The following RAPGEF5 variants were observed in gnomAD, a reference collection of about 807,000 sequenced individuals.
RAPGEF5 encodes Rap guanine nucleotide exchange factor 5.
A neutral mutation model predicts 125.2 loss-of-function variants in RAPGEF5; 65 were observed. The ratio of observed to expected loss-of-function variants is 0.52; its 90% CI spans 0.43 to 0.64. The LOEUF is 0.64. Among genes scored for constraint, RAPGEF5 ranks in the 30% least tolerant of loss-of-function variants. RAPGEF5 has a pLI of 0.00. For synonymous variants in RAPGEF5, 391 were observed against 385.9 expected (o/e 1.01, Z -0.16); for missense variants, 958 against 1,048.1 (o/e 0.91, Z 1.19).
At chr7:22,351,966 G>C (rs1367588153) in intron 1 of RAPGEF5, among the ~76,000 whole-genome samples, 1 of 152,194 alleles carries the variant, frequency 6.6e-6, no homozygotes, top group Non-Finnish European at 1.5e-5. Flanking sequence ...GTTCTTCCCA[G>C]TTTCTCAATT....
intron 7 of RAPGEF5, among the ~76,000 whole-genome samples, chr7:22,265,282 A>G (rs558812469): frequency 1.2e-4 from 18 of 152,236 alleles, no homozygotes; most frequent in Admixed American, 3.3e-4. Flanking sequence ...GCCAGCCTCT[A>G]GCAACCATCA....
At chr7:22,238,702 T>C (rs1786251557) in intron 7 of RAPGEF5, among the ~76,000 whole-genome samples, 1 of 152,210 alleles carries the variant, frequency 6.6e-6, no homozygotes, top group East Asian at 1.9e-4. Context: ...ATTCTTCATT[T>C]AAAAAATGAG....
chr7:22,193,347 T>G lies in RAPGEF5; in HGVS notation c.1204+20A>C. The G allele has an allele frequency of 1.6e-3, 2,469 of 1,538,534 alleles. No homozygotes were observed. The highest frequency in any genetic ancestry group is 2.0e-3 in the Non-Finnish European group (2,249 of 1,129,244). ...ATCAGCTGCTATCAGTCTGGAAGCA[T>G]GAGCTACTCAGAGCCTTACCTGTTT... On this transcript the variant is annotated intron_variant, in intron 11 of 25. Transcript: ENST00000665637.
At chr7:22,167,230 T>C (rs1166865284) in intron 11 of RAPGEF5, 82 bp from the exon 12 acceptor site, 2 of 1,021,894 alleles carry the variant, frequency 2.0e-6, no homozygotes, top group Admixed American at 2.1e-5. Context: ...CCCAGAACCA[T>C]GTGCATGGCA....
At chr7:22,213,222 G>A (rs1785551179) in intron 9 of RAPGEF5, among the ~76,000 whole-genome samples, 1 of 152,212 alleles carries the variant, frequency 6.6e-6, no homozygotes, top group South Asian at 2.1e-4. Flanking sequence ...ATGAGCAGAT[G>A]GTTCCACCAG....
At chr7:22,267,637 A>G (rs1348488373) in intron 6 of RAPGEF5, among the ~76,000 whole-genome samples, 2 of 152,226 alleles carry the variant, frequency 1.3e-5, no homozygotes, top group Admixed American at 6.5e-5. Context: ...CAAAGTTTTT[A>G]GCACTTACTC....
At chr7:22,133,729 A>G (rs17146306) in intron 23 of RAPGEF5, among the ~76,000 whole-genome samples, 1 of 152,050 alleles carries the variant, frequency 6.6e-6, no homozygotes, top group Admixed American at 6.5e-5. Flanking sequence ...TAGCACATGA[A>G]CTACGACTCC....
chr7:22,275,852 T>G (rs981782916), intron 6 of RAPGEF5, among the ~76,000 whole-genome samples: 1 of 152,216 alleles, frequency 6.6e-6, no homozygotes, highest in Non-Finnish European at 1.5e-5. Context: ...AAAAAATAAC[T>G]GTTGGAAACC....
At chr7:22,314,249 AG>A (rs1283417033) in intron 3 of RAPGEF5, among the ~76,000 whole-genome samples, 1 of 152,218 alleles carries the variant, frequency 6.6e-6, no homozygotes, top group Non-Finnish European at 1.5e-5. Flanking sequence ...GAAGAGAAGC[AG>A]GAAGGAACCT....
intron 11 of RAPGEF5, chr7:22,192,506 G>C (rs1785027553): frequency 6.6e-6 from 1 of 152,208 alleles, no homozygotes. Context: ...TAAGGAAACT[G>C]TGGGTCTCAC....
chr7:22,272,760 T>G (rs569776326), intron 6 of RAPGEF5, among the ~76,000 whole-genome samples: 123 of 152,302 alleles, frequency 8.1e-4, no homozygotes, highest in Non-Finnish European at 1.6e-3. Context: ...TTATTTTTTA[T>G]TTTCTTATTT....
At chr7:22,162,727 T>C (rs1462136297) in intron 12 of RAPGEF5, among the ~76,000 whole-genome samples, 186 bp from the exon 13 acceptor site, 1 of 152,188 alleles carries the variant, frequency 6.6e-6, no homozygotes, top group Non-Finnish European at 1.5e-5. Context: ...GGAAAATGAC[T>C]GAAGTATACT....
intron 5 of RAPGEF5, among the ~76,000 whole-genome samples, chr7:22,294,134 C>G (rs189800306): frequency 1.4e-5 from 2 of 146,568 alleles, no homozygotes; most frequent in African/African-American, 5.0e-5. Flanking sequence ...GAGAGAGAGA[C>G]AGAGAGAGAG....
chr7:22,158,354 ACT>A (rs1180350805), intron 14 of RAPGEF5, among the ~76,000 whole-genome samples: 6 of 152,100 alleles, frequency 3.9e-5, no homozygotes, highest in Admixed American at 1.3e-4. Flanking sequence ...AACTGGGAAC[ACT>A]CTGCCCATCT....
chr7:22,310,942 G>C lies in RAPGEF5; in HGVS notation c.390-852C>G, dbSNP rs60708465. On this transcript the variant is annotated intron_variant, in intron 3 of 25. Coordinates refer to ENST00000665637, the MANE Select transcript of RAPGEF5 (RefSeq NM_012294.5). ...TTCAGATACATATGAGCCTCAGGGG[G>C]AAAACAAAAAGAAAAACTTCTGAAG... Among the ~76,000 whole-genome samples, 81 of 152,118 alleles carry C rather than the reference G, an allele frequency of 5.3e-4. No homozygotes were observed. In the East Asian group the frequency reaches 0.012, roughly 22 times the overall value.
chr7:22,180,294 C>T (rs1274088280), intron 11 of RAPGEF5, among the ~76,000 whole-genome samples: 2 of 152,060 alleles, frequency 1.3e-5, no homozygotes, highest in East Asian at 3.9e-4. Context: ...CATGTTGCTC[C>T]CCTGATATTT....
chr7:22,339,207 C>G (rs1562536578), intron 1 of RAPGEF5, among the ~76,000 whole-genome samples: 1 of 152,214 alleles, frequency 6.6e-6, no homozygotes, highest in East Asian at 1.9e-4. Flanking sequence ...CACTCCACCC[C>G]AGAGGAAGAA....
intron 14 of RAPGEF5, 43 bp from the exon 15 acceptor site, chr7:22,157,928 C>T (rs1783864596): frequency 3.2e-6 from 5 of 1,548,980 alleles, no homozygotes; most frequent in Non-Finnish European, 4.5e-6. Context: ...GTCTCAAACC[C>T]AGAATAATGC....
At chr7:22,127,972 T>G (rs951222146) in intron 24 of RAPGEF5, among the ~76,000 whole-genome samples, 1 of 152,204 alleles carries the variant, frequency 6.6e-6, no homozygotes, top group African/African-American at 2.4e-5. Flanking sequence ...ACCTGACTCA[T>G]GTCTGTGCAT....
Sources: allele counts gnomAD v4.1 joint callset (sites outside exome capture counted in the v4.1 genomes callset), GRCh38; gene constraint gnomAD v4.1.1; transcripts MANE v1.5; gene names NCBI Gene and HGNC (gene_info 2026-07-23, HGNC 2026-07-21).